The following TDRD7 variants were observed in gnomAD, a reference collection of about 807,000 sequenced individuals.
The protein encoded by TDRD7 is tudor domain-containing protein 7.
TDRD7 carries 47 observed loss-of-function variants against 109.8 expected under a neutral mutation model. The observed-to-expected ratio is 0.43, with a 90% confidence interval of 0.34 to 0.55. The LOEUF is 0.55. TDRD7 is among the 20% of genes least tolerant of loss of function. The pLI is 0.03. For synonymous variants in TDRD7, 424 were observed against 457.3 expected (o/e 0.93, Z 0.93); for missense variants, 1,164 against 1,319.2 (o/e 0.88, Z 1.82).
At chr9:97,413,770 C>G (rs1436936416) in intron 1 of TDRD7, among the ~76,000 whole-genome samples, 1 of 152,178 alleles carries the variant, frequency 6.6e-6, no homozygotes, top group Admixed American at 6.5e-5. Context: ...GGTAGTTGCA[C>G]GGTGAGACTG....
rs988063065 is a variant in TDRD7 at position 97,432,105 on chromosome 9, A to G, written c.430A>G (p.Arg144Gly). The G allele has an allele frequency of 6.2e-7, 1 of 1,613,894 alleles. No individual in the cohort carries two copies. The highest frequency in any genetic ancestry group is 8.5e-7 in the Non-Finnish European group (1 of 1,179,810). Reference protein sequence around the residue: ...VGKKPNPAPLRDKGNSVGVKP... With the variant: ...VGKKPNPAPLGDKGNSVGVKP... ...CAAAAAACCTAATCCAGCACCGTTA[A>G]GAGACAAAGGAAACTCTGTTGGAGT... Residue 144 changes from arginine (R) to glycine (G), a missense_variant, in exon 4 of 17, where the codon AGA (arginine) becomes GGA (glycine). By Grantham distance (125) the Arg-to-Gly change is moderately radical (BLOSUM62 -2). Transcript: ENST00000355295.
intron 1 of TDRD7, among the ~76,000 whole-genome samples, chr9:97,422,505 T>C (rs1275644432): frequency 2.0e-5 from 3 of 152,248 alleles, no homozygotes; most frequent in South Asian, 2.1e-4. Context: ...TTGACTAATA[T>C]AGCTTTATAG....
At chr9:97,491,779 G>A (rs1271035174) in intron 16 of TDRD7, among the ~76,000 whole-genome samples, 1 of 152,174 alleles carries the variant, frequency 6.6e-6, no homozygotes, top group East Asian at 1.9e-4. Flanking sequence ...TGAGGACAGA[G>A]CTTGTTAAGA....
At chr9:97,468,915 G>A (rs1828865493) in intron 8 of TDRD7, among the ~76,000 whole-genome samples, 1 of 152,230 alleles carries the variant, frequency 6.6e-6, no homozygotes, top group African/African-American at 2.4e-5. Flanking sequence ...GCAGAGTGTG[G>A]TGAGAGTCAC....
At chr9:97,439,213 T>G (rs1204932547) in intron 4 of TDRD7, 32 bp from the exon 5 acceptor site, 1 of 1,523,254 alleles carries the variant, frequency 6.6e-7, no homozygotes, top group Non-Finnish European at 8.8e-7. Context: ...TTATTTACAT[T>G]TATTTTACTT....
intron 16 of TDRD7, among the ~76,000 whole-genome samples, chr9:97,494,716 T>A (rs902411727): frequency 1.1e-3 from 92 of 80,940 alleles, no homozygotes; most frequent in East Asian, 7.2e-3. Flanking sequence ...ATATATATTT[T>A]TTTTTTTTTC....
At chr9:97,486,563 C>CT (rs1292818180) in intron 15 of TDRD7, among the ~76,000 whole-genome samples, 1 of 152,030 alleles carries the variant, frequency 6.6e-6, no homozygotes, top group African/African-American at 2.4e-5. Context: ...AAATTGCAAA[C>CT]TTTTTTTGTA....
At chr9:97,493,357 A>G (rs574444865) in intron 16 of TDRD7, among the ~76,000 whole-genome samples, 102 of 152,282 alleles carry the variant, frequency 6.7e-4, no homozygotes, top group African/African-American at 2.3e-3. Context: ...CATGTCCGCA[A>G]GTTCCGTGAT....
chr9:97,452,967 T>C (rs1828525209), intron 6 of TDRD7, among the ~76,000 whole-genome samples: 1 of 152,104 alleles, frequency 6.6e-6, no homozygotes, highest in South Asian at 2.1e-4. Flanking sequence ...GGAATGGCAG[T>C]CTGGGGACTG....
chr9:97,417,196 G>GC (rs1827825251), intron 1 of TDRD7, among the ~76,000 whole-genome samples: 5 of 152,162 alleles, frequency 3.3e-5, no homozygotes, highest in Admixed American at 2.0e-4. Flanking sequence ...AAAGCATGGA[G>GC]CCCAGGATGG....
Position 97,412,550 on chromosome 9 carries a change from G to T in TDRD7, c.-7+312G>T, listed in dbSNP as rs569648718. On this transcript the variant is annotated intron_variant, in intron 1 of 16. Coordinates refer to ENST00000355295, the MANE Select transcript of TDRD7 (RefSeq NM_014290.3). The surrounding 1 kb of genome is among the most constrained non-coding windows in gnomAD (Gnocchi z 4.3). ...CCTGCCGCCTCGGAAGCTCTGCGCC[G>T]TGGGGGAAATGCAGCAGCGGGGTGT... Among the ~76,000 whole-genome samples, 1 of 152,226 alleles carries T rather than the reference G, an allele frequency of 6.6e-6. No homozygotes were observed. The highest frequency in any genetic ancestry group is 1.5e-5 in the Non-Finnish European group (1 of 68,034).
At chr9:97,484,984 A>C (rs1021392637) in intron 15 of TDRD7, among the ~76,000 whole-genome samples, 1 of 152,180 alleles carries the variant, frequency 6.6e-6, no homozygotes, top group Non-Finnish European at 1.5e-5. Context: ...GGACTCTTGG[A>C]CTTTAGTTAA....
chr9:97,488,665 G>A (rs1021832309), intron 16 of TDRD7, among the ~76,000 whole-genome samples: 2 of 149,068 alleles, frequency 1.3e-5, no homozygotes, highest in African/African-American at 4.9e-5. Flanking sequence ...GCTTCTCTGT[G>A]AAGAATGAGT....
chr9:97,425,855 A>G (rs1827984556), intron 1 of TDRD7, among the ~76,000 whole-genome samples: 1 of 152,158 alleles, frequency 6.6e-6, no homozygotes, highest in Non-Finnish European at 1.5e-5. Flanking sequence ...TATAGAGTGG[A>G]CTCACAAACC....
intron 16 of TDRD7, among the ~76,000 whole-genome samples, chr9:97,491,722 G>A (rs1329617636): frequency 6.6e-6 from 1 of 152,178 alleles, no homozygotes; most frequent in Non-Finnish European, 1.5e-5. Context: ...GGAAGGTTAA[G>A]CTCTATAAAA....
chr9:97,475,627 T>C (rs1829006023), intron 12 of TDRD7, among the ~76,000 whole-genome samples, 158 bp downstream of exon 12: 1 of 152,174 alleles, frequency 6.6e-6, no homozygotes, highest in African/African-American at 2.4e-5. Flanking sequence ...CTGGTTGAAG[T>C]TATGGTCGAA....
intron 1 of TDRD7, among the ~76,000 whole-genome samples, chr9:97,424,598 C>T (rs1226138344): frequency 2.0e-5 from 3 of 152,070 alleles, no homozygotes; most frequent in East Asian, 1.9e-4. Flanking sequence ...TGATAAGATT[C>T]CTTGTTCTGA....
chr9:97,452,826 C>T (rs990083748), intron 6 of TDRD7, among the ~76,000 whole-genome samples: 15 of 152,226 alleles, frequency 9.9e-5, no homozygotes, highest in Non-Finnish European at 2.2e-4. Flanking sequence ...GTGGACATAA[C>T]GTCCCTAACT....
At chr9:97,463,867 A>C (rs553386933) in intron 7 of TDRD7, among the ~76,000 whole-genome samples, 1 of 152,368 alleles carries the variant, frequency 6.6e-6, no homozygotes, top group African/African-American at 2.4e-5. Context: ...ATACAGTTTT[A>C]GAGACATTTG....
Sources: gnomAD v4.1 joint callset for allele counts (sites outside exome capture counted in the v4.1 genomes callset) on GRCh38, gnomAD v4.1.1 for gene constraint, Gnocchi (gnomAD v3.1) non-coding constraint, MANE v1.5 for transcripts, NCBI Gene and HGNC (gene_info 2026-07-23, HGNC 2026-07-21) for gene names.